The following RAD51B variants were observed in gnomAD, a reference collection of about 807,000 sequenced individuals.
RAD51B encodes DNA repair protein RAD51 homolog 2.
A neutral mutation model predicts 42.2 loss-of-function variants in RAD51B; 38 were observed. That is an observed-to-expected ratio of 0.90 (90% CI 0.70 to 1.18). RAD51B has a LOEUF of 1.18. Ranked by LOEUF, RAD51B falls within the 50% of genes most tolerant of loss-of-function variation. The pLI is 0.00. For synonymous variants in RAD51B, 154 were observed against 145.2 expected, an observed-to-expected ratio of 1.06 and a Z score of -0.43; for missense variants, 373 against 400.7, an observed-to-expected ratio of 0.93 and a Z score of 0.59.
chr14:68,324,790 G>T (rs2082219123), intron 8 of RAD51B, among the ~76,000 whole-genome samples: 1 of 152,120 alleles, frequency 6.6e-6, no homozygotes, highest in Admixed American at 6.5e-5. Flanking sequence ...CTCCTAGGCT[G>T]CTTTTGACTT....
intron 10 of RAD51B, among the ~76,000 whole-genome samples, chr14:68,649,876 G>A (rs1892665202): frequency 6.6e-6 from 1 of 152,210 alleles, no homozygotes. Context: ...ACAGGAGTAA[G>A]ATGTAATAAC....
intron 7 of RAD51B, among the ~76,000 whole-genome samples, chr14:68,153,765 C>A (rs1218066583): frequency 3.9e-5 from 6 of 151,970 alleles, no homozygotes; most frequent in African/African-American, 1.5e-4. Context: ...CAAACTTTGA[C>A]TAGACTTTGT....
At chr14:67,836,457 G>C (rs1374377522) in intron 4 of RAD51B, among the ~76,000 whole-genome samples, 1 of 151,494 alleles carries the variant, frequency 6.6e-6, no homozygotes, top group Non-Finnish European at 1.5e-5. Context: ...ATTAAGTCAA[G>C]CCTACATTTA....
intron 7 of RAD51B, among the ~76,000 whole-genome samples, chr14:67,977,935 A>G (rs2075025192): frequency 6.6e-6 from 1 of 152,182 alleles, no homozygotes; most frequent in Non-Finnish European, 1.5e-5. Context: ...TTCTACCAGC[A>G]TTCCCTTGTA....
chr14:68,002,754 A>G (rs964503636), intron 7 of RAD51B, among the ~76,000 whole-genome samples: 4 of 152,188 alleles, frequency 2.6e-5, no homozygotes, highest in African/African-American at 9.7e-5. Context: ...GTGGCTAGCC[A>G]GTTCTCCCAG....
chr14:68,404,069 G>C (rs1474768976), intron 8 of RAD51B, among the ~76,000 whole-genome samples: 1 of 152,228 alleles, frequency 6.6e-6, no homozygotes, highest in Non-Finnish European at 1.5e-5. Context: ...CCTGACTTCA[G>C]TGTGAGTAGA....
At chr14:68,180,836 G>C (rs373055358) in intron 7 of RAD51B, among the ~76,000 whole-genome samples, 90 of 152,246 alleles carry the variant, frequency 5.9e-4, no homozygotes, top group African/African-American at 2.0e-3. Flanking sequence ...GGCTTTTCTG[G>C]GCAGGAACAA....
Position 68,419,626 on chromosome 14 carries a change from C to T in RAD51B, c.957+8099C>T, listed in dbSNP as rs750196254. ...CCACAGGGCTGGCTATGCTACCGCT[C>T]TCCTACAGACAGCCATTTGTGCTCA... On this transcript the variant is annotated intron_variant, in intron 9 of 10. Coordinates refer to ENST00000471583, the MANE Select transcript of RAD51B (RefSeq NM_133510.4). Among the ~76,000 whole-genome samples, 15 of 152,194 alleles carry T rather than the reference C, an allele frequency of 9.9e-5. 1 individual carries two copies. Among genetic ancestry groups the T allele is most frequent in the Admixed American group, 9.2e-4 (14 of 15,282 alleles).
chr14:68,163,264 T>G (rs2078681018), intron 7 of RAD51B, among the ~76,000 whole-genome samples: 1 of 152,246 alleles, frequency 6.6e-6, no homozygotes, highest in Non-Finnish European at 1.5e-5. Context: ...TTTTGCCAGT[T>G]TTATACAAAT....
At chr14:68,391,338 C>A (rs941888510) in intron 8 of RAD51B, among the ~76,000 whole-genome samples, 1 of 152,086 alleles carries the variant, frequency 6.6e-6, no homozygotes, top group Non-Finnish European at 1.5e-5. Flanking sequence ...GCTTGCCCTT[C>A]CAAGATGTTG....
intron 9 of RAD51B, among the ~76,000 whole-genome samples, chr14:68,416,469 C>A (rs1307845855): frequency 6.6e-6 from 1 of 152,120 alleles, no homozygotes; most frequent in Non-Finnish European, 1.5e-5. Flanking sequence ...ACAGTAGATA[C>A]ATTTATTTTG....
At chr14:68,571,506 T>C (rs1274248351) in intron 10 of RAD51B, among the ~76,000 whole-genome samples, 2 of 152,154 alleles carry the variant, frequency 1.3e-5, no homozygotes, top group African/African-American at 4.8e-5. Context: ...ACATCACAGC[T>C]CTCCGACCAA....
chr14:67,871,639 G>C (rs1387652475), intron 5 of RAD51B, among the ~76,000 whole-genome samples: 1 of 152,036 alleles, frequency 6.6e-6, no homozygotes, highest in African/African-American at 2.4e-5. Flanking sequence ...AACCAAAAAA[G>C]AGAATTTTAG....
rs2082632536 is a variant in RAD51B, at chr14:68,344,501, G to A, written c.853+52521G>A. Among the ~76,000 whole-genome samples the A allele has an allele frequency of 3.3e-5, 5 of 152,108 alleles. No individual in the cohort carries two copies. The South Asian group carries it at 1.0e-3, about 32-fold the overall frequency. ...TCTCTACTAAAAGTACAAAAAATTA[G>A]CACGGCGTGGTGGTGGGCGCCTGTA... On this transcript the variant is annotated intron_variant, in intron 8 of 10. Transcript: ENST00000471583.
chr14:67,901,471 C>T (rs1191877514), intron 7 of RAD51B, among the ~76,000 whole-genome samples: 1 of 152,138 alleles, frequency 6.6e-6, no homozygotes, highest in African/African-American at 2.4e-5. Flanking sequence ...GAAGACCCTC[C>T]CTCTCTATCT....
chr14:68,588,117 C>T (rs1210840263), intron 10 of RAD51B, among the ~76,000 whole-genome samples: 2 of 152,156 alleles, frequency 1.3e-5, no homozygotes, highest in South Asian at 2.1e-4. Flanking sequence ...CATATGGGTG[C>T]GTTCATCCCA....
At chr14:68,567,771 T>C (rs543909941) in intron 10 of RAD51B, among the ~76,000 whole-genome samples, 7 of 152,366 alleles carry the variant, frequency 4.6e-5, no homozygotes, top group East Asian at 1.9e-4. Flanking sequence ...ATCCTTGCTG[T>C]ACCCACAAGA....
At chr14:68,110,882 A>T (rs1402227547) in intron 7 of RAD51B, among the ~76,000 whole-genome samples, 1 of 152,040 alleles carries the variant, frequency 6.6e-6, no homozygotes, top group Non-Finnish European at 1.5e-5. Context: ...CTCTATATGC[A>T]TTTAGAATCA....
At chr14:67,901,417 A>T (rs2043609383) in intron 7 of RAD51B, among the ~76,000 whole-genome samples, 1 of 152,146 alleles carries the variant, frequency 6.6e-6, no homozygotes. Flanking sequence ...CTCATTAGCT[A>T]CAGGGACAGT....
Sources: gnomAD v4.1 joint callset for allele counts (sites outside exome capture counted in the v4.1 genomes callset) on GRCh38, gnomAD v4.1.1 for gene constraint, MANE v1.5 for transcripts, NCBI Gene and HGNC (gene_info 2026-07-23, HGNC 2026-07-21) for gene names.